Variants in PRUNE2 observed in about 807,000 individuals in gnomAD.
PRUNE2 encodes the protein protein prune homolog 2.
A neutral mutation model predicts 252.0 loss-of-function variants in PRUNE2; 164 were observed. The observed-to-expected ratio is 0.65, with a 90% CI of 0.57 to 0.74. The LOEUF is 0.74. Among genes scored for constraint, PRUNE2 ranks in the 30% least tolerant of loss-of-function variants. The pLI, the probability that PRUNE2 is intolerant of heterozygous loss-of-function variation, is 0.00. For synonymous variants in PRUNE2, 1,292 were observed against 1,350.2 expected (o/e 0.96, Z 0.94); for missense variants, 3,495 against 3,711.0 (o/e 0.94, Z 1.51).
chr9:76,850,742 G>A, intron 2 of PRUNE2, 77 bp from the exon 3 acceptor site: 1 of 1,106,354 alleles, frequency 9.0e-7, no homozygotes. Context: ...CCAGCCTGGG[G>A]GTAACTGGTA....
At chr9:76,793,124 A>C (rs915136425) in intron 6 of PRUNE2, among the ~76,000 whole-genome samples, 2 of 152,204 alleles carry the variant, frequency 1.3e-5, no homozygotes, top group Non-Finnish European at 2.9e-5. Context: ...TATACAGGCA[A>C]AGCAGAGTGC....
intron 6 of PRUNE2, among the ~76,000 whole-genome samples, chr9:76,816,712 T>A (rs1209365728): frequency 6.6e-6 from 1 of 152,236 alleles, no homozygotes; most frequent in African/African-American, 2.4e-5. Flanking sequence ...AAAGTAATGC[T>A]GTTTTCATTT....
intron 6 of PRUNE2, among the ~76,000 whole-genome samples, chr9:76,767,960 A>T (rs2052604682): frequency 6.6e-6 from 1 of 152,140 alleles, no homozygotes; most frequent in African/African-American, 2.4e-5. Context: ...ATAATTGTAC[A>T]TTCACATCTC....
chr9:76,625,058 C>T (rs559918766), intron 16 of PRUNE2: 2 of 1,302,950 alleles, frequency 1.5e-6, no homozygotes, highest in South Asian at 1.2e-5. Context: ...CTTCATCGTA[C>T]CTTACAAGAT....
intron 15 of PRUNE2, among the ~76,000 whole-genome samples, chr9:76,634,386 T>C (rs1183421497): frequency 6.6e-6 from 1 of 152,228 alleles, no homozygotes; most frequent in African/African-American, 2.4e-5. Context: ...GTAGTTTGAG[T>C]TCCTAGGTAG....
intron 9 of PRUNE2, among the ~76,000 whole-genome samples, chr9:76,663,710 T>A (rs955553116): frequency 1.3e-5 from 2 of 152,208 alleles, no homozygotes; most frequent in African/African-American, 4.8e-5. Flanking sequence ...CATTTCAACC[T>A]CTTTGCTTTT....
rs375799109 is a variant in PRUNE2 at position 76,707,295 on chromosome 9, C to T, written c.4979G>A (p.Ser1660Asn). The T allele has an allele frequency of 1.2e-6, 2 of 1,613,930 alleles. No individual in the cohort carries two copies. Among genetic ancestry groups the T allele is most frequent in the Non-Finnish European group, 8.5e-7 (1 of 1,179,856 alleles). ...GTHQESNLIA[S>N]YQEKNEHDIS... ...GTCATGTTCATTTTTCTCCTGGTAG[C>T]TAGCAATTAGATTGCTTTCCTGATG... Residue 1660 changes from serine (S) to asparagine (N), a missense_variant, in exon 8 of 19, where the codon AGC (serine) becomes AAC (asparagine). Coordinates refer to ENST00000376718, the MANE Select transcript of PRUNE2 (RefSeq NM_015225.3).
intron 12 of PRUNE2, 117 bp downstream of exon 12, chr9:76,644,622 G>C (rs766022584): frequency 2.2e-6 from 2 of 904,218 alleles, no homozygotes; most frequent in Non-Finnish European, 1.8e-6. Flanking sequence ...CTGAATATTG[G>C]CTCTAGAATA....
intron 14 of PRUNE2, among the ~76,000 whole-genome samples, chr9:76,637,009 G>GTATA (rs764144196): frequency 1.7e-4 from 26 of 150,402 alleles, no homozygotes; most frequent in African/African-American, 3.4e-4. Flanking sequence ...GTGTGTGTGT[G>GTATA]TATAATTTTA....
At chr9:76,858,835 A>C (rs10283448) in intron 1 of PRUNE2, among the ~76,000 whole-genome samples, 2,967 of 152,228 alleles carry the variant, frequency 0.019, 85 homozygotes, top group African/African-American at 0.065. Context: ...GTGGGACTAA[A>C]GGGTGTCTCA....
At position 76,718,302 on chromosome 9, in the gene PRUNE2, A is replaced by C. The variant is rs376906933; in HGVS notation, c.757-4581T>G. 2.8e-4 allele frequency among the ~76,000 whole-genome samples: 43 copies of C among 152,272 alleles called. No homozygotes were observed. The Middle Eastern group carries it at 0.01, about 36-fold the overall frequency. ...GAATGTCTTGTAAACATTTCAGTAGATATCCTTGAGAGACAGAAACCCTCT... is the reference window on the plus strand; with the variant it reads ...GAATGTCTTGTAAACATTTCAGTAGCTATCCTTGAGAGACAGAAACCCTCT... On this transcript the variant is annotated intron_variant, in intron 6 of 18. Transcript: ENST00000376718.
intron 6 of PRUNE2, among the ~76,000 whole-genome samples, chr9:76,762,126 G>A (rs889364124): frequency 1.3e-5 from 2 of 152,140 alleles, no homozygotes; most frequent in Admixed American, 1.3e-4. Context: ...CAAAAAGAAT[G>A]GTTAGAACAA....
At chr9:76,621,075 T>C (rs1832092222) in intron 17 of PRUNE2, among the ~76,000 whole-genome samples, 1 of 152,030 alleles carries the variant, frequency 6.6e-6, no homozygotes, top group African/African-American at 2.4e-5. Flanking sequence ...TGTGTGTGTG[T>C]GAGGGGAGAG....
chr9:76,621,828 C>T, intron 17 of PRUNE2, among the ~76,000 whole-genome samples: 1 of 151,996 alleles, frequency 6.6e-6, no homozygotes, highest in East Asian at 1.9e-4. Context: ...ACTGCAGGCA[C>T]ATACCACCAT....
intron 8 of PRUNE2, 64 bp from the exon 9 acceptor site, chr9:76,704,163 G>A: frequency 9.1e-7 from 1 of 1,097,570 alleles, no homozygotes; most frequent in Non-Finnish European, 1.3e-6. Context: ...TGTGTGATTT[G>A]TGATCCTTGC....
At chr9:76,887,844 G>A (rs1367098271) in intron 1 of PRUNE2, among the ~76,000 whole-genome samples, 1 of 152,188 alleles carries the variant, frequency 6.6e-6, no homozygotes, top group Non-Finnish European at 1.5e-5. Context: ...CACCGACATT[G>A]GGGATTTTTG....
intron 3 of PRUNE2, among the ~76,000 whole-genome samples, chr9:76,849,805 G>A (rs990915257): frequency 1.1e-4 from 16 of 151,870 alleles, no homozygotes; most frequent in East Asian, 5.8e-4. Flanking sequence ...CAGCCTGGGC[G>A]AGAGATCGAG....
chr9:76,814,236 C>T (rs2057540232), intron 6 of PRUNE2, among the ~76,000 whole-genome samples: 1 of 152,258 alleles, frequency 6.6e-6, no homozygotes, highest in Admixed American at 6.5e-5. Context: ...GGCTGGTCTT[C>T]GGGACTCACA....
At chr9:76,859,992 C>T (rs142237024) in intron 1 of PRUNE2, among the ~76,000 whole-genome samples, 128 of 152,270 alleles carry the variant, frequency 8.4e-4, no homozygotes, top group African/African-American at 3.0e-3. Context: ...TGAGCCACCA[C>T]GCCCGGCCTG....
Sources: gnomAD v4.1 joint callset for allele counts (sites outside exome capture counted in the v4.1 genomes callset) on GRCh38, gnomAD v4.1.1 for gene constraint, MANE v1.5 for transcripts, NCBI Gene and HGNC (gene_info 2026-07-23, HGNC 2026-07-21) for gene names.